GLIS1: variants seen among roughly 807,000 people sequenced by gnomAD.
The protein encoded by GLIS1 is GLIS family zinc finger 1.
In GLIS1, 24 loss-of-function variants were observed where a neutral mutation model predicts 63.8. That is an observed-to-expected ratio of 0.38 (90% CI 0.27 to 0.53). GLIS1 has a LOEUF of 0.53. GLIS1 is among the 20% of genes least tolerant of loss of function. GLIS1 has a pLI of 0.85. For missense variants in GLIS1, 1,036 were observed against 1,074.1 expected, an observed-to-expected ratio of 0.96 and a Z score of 0.50; for synonymous variants, 450 against 482.5, an observed-to-expected ratio of 0.93 and a Z score of 0.88.
At chr1:53,734,034 C>T (rs2100580543) in intron 2 of GLIS1, 7 of 985,050 alleles carry the variant, frequency 7.1e-6, no homozygotes, top group Non-Finnish European at 8.4e-6. Flanking sequence ...GCCCCCACTC[C>T]GAGTCCATGC....
In GLIS1 at chr1:53,678,659, G is replaced by C. The variant is rs562664731; in HGVS notation, c.259+59147C>G. ...TGCCCAGTTCTCTTGGCACTAAAAG[G>C]CTGCTGAGTTCGAGCCCTGAGTTAA... On this transcript the variant is annotated intron_variant, in intron 2 of 10. Coordinates refer to ENST00000628545, the MANE Select transcript of GLIS1 (RefSeq NM_001367484.1). Among the ~76,000 whole-genome samples, 204 of 152,278 alleles carry C rather than the reference G, an allele frequency of 1.3e-3. 1 individual carries two copies. The highest frequency in any genetic ancestry group is 4.7e-3 in the African/African-American group (196 of 41,562).
chr1:53,703,639 TAAAAA>T (rs59555116), intron 2 of GLIS1, among the ~76,000 whole-genome samples: 2 of 71,680 alleles, frequency 2.8e-5, no homozygotes, highest in African/African-American at 5.4e-5. Flanking sequence ...ACCCTGTCTC[TAAAAA>T]AAAAAAAAAA....
At chr1:53,671,533 G>A (rs1464176056) in intron 2 of GLIS1, among the ~76,000 whole-genome samples, 2 of 152,190 alleles carry the variant, frequency 1.3e-5, no homozygotes, top group Non-Finnish European at 2.9e-5. Flanking sequence ...GCCTCACAGA[G>A]TAGAACCAGG....
intron 4 of GLIS1, among the ~76,000 whole-genome samples, chr1:53,554,902 T>A (rs1423677274): frequency 6.6e-6 from 1 of 152,128 alleles, no homozygotes; most frequent in East Asian, 1.9e-4. Flanking sequence ...GTGTGAGGTG[T>A]GGAGCCATTC....
chr1:53,617,739 G>A (rs991649183), intron 2 of GLIS1, among the ~76,000 whole-genome samples: 8 of 152,302 alleles, frequency 5.3e-5, no homozygotes, highest in African/African-American at 9.6e-5. Flanking sequence ...GGTGCAGGCC[G>A]GCTATGTTAT....
chr1:53,600,112 G>C lies in GLIS1; in HGVS notation c.426C>G (p.Pro142=). 3 of 1,230,566 alleles carry C rather than the reference G, an allele frequency of 2.4e-6. No individual in the cohort carries two copies. The highest frequency in any genetic ancestry group is 3.0e-6 in the Non-Finnish European group (3 of 986,464). 76.2% of individuals were successfully genotyped at this position (1,230,566 alleles called of 1,614,324 possible). A position where few individuals can be genotyped will look rare whatever the true frequency, so the allele number is the denominator to read the frequency against. Residue 142 remains proline, a synonymous_variant, in exon 3 of 11, where the codon CCC becomes CCG. Coordinates refer to ENST00000628545, the MANE Select transcript of GLIS1 (RefSeq NM_001367484.1). The stretch of plus-strand genomic sequence containing the variant: ...CTGCCCACACCTACCTGTCAGGGTG[G>C]GGGAAATGCAGCAGCCTCTCACAAG... ...PQACERLLHF[P]HPDRSPRPQA...
chr1:53,594,094 C>A lies in GLIS1; in HGVS notation c.1320+14G>T, dbSNP rs1208246841. The A allele has an allele frequency of 1.3e-6, 2 of 1,591,540 alleles. No homozygotes were observed. Among genetic ancestry groups the A allele is most frequent in the South Asian group, 1.1e-5 (1 of 88,216 alleles). ...AGGGGCTGGGGTGAGGCCTGGCGGC[C>A]GGTGGGAACTCACCATGCACTTGTT... On this transcript the variant is annotated intron_variant, in intron 4 of 10. Transcript: ENST00000628545.
At chr1:53,555,632 A>T (rs977606799) in intron 4 of GLIS1, among the ~76,000 whole-genome samples, 1 of 152,272 alleles carries the variant, frequency 6.6e-6, no homozygotes, top group Non-Finnish European at 1.5e-5. Flanking sequence ...CCCTGGTGTG[A>T]TTACTACACA....
chr1:53,658,921 C>T (rs150337388), intron 2 of GLIS1, among the ~76,000 whole-genome samples: 109 of 152,232 alleles, frequency 7.2e-4, no homozygotes, highest in Non-Finnish European at 1.4e-3. Context: ...GCACAGCAGG[C>T]AGGAGGAAGG....
chr1:53,521,901 C>G (rs1015641630), intron 6 of GLIS1, among the ~76,000 whole-genome samples: 1 of 152,230 alleles, frequency 6.6e-6, no homozygotes. Context: ...CTTGGCTCAG[C>G]CAAATGCTCA....
intron 4 of GLIS1, 84 bp downstream of exon 4, chr1:53,594,024 C>A: frequency 1.4e-6 from 2 of 1,451,382 alleles, no homozygotes; most frequent in Non-Finnish European, 1.8e-6. Flanking sequence ...GACGGAGTCC[C>A]AGGCGGCCTC....
chr1:53,593,300 T>A lies in GLIS1; in HGVS notation c.1320+808A>T, dbSNP rs561471028. Among the ~76,000 whole-genome samples the A allele has an allele frequency of 1.3e-5, 2 of 152,366 alleles. 1 individual carries two copies. Among genetic ancestry groups the A allele is most frequent in the East Asian group, 3.9e-4 (2 of 5,190 alleles). On this transcript the variant is annotated intron_variant, in intron 4 of 10. Coordinates refer to ENST00000628545, the MANE Select transcript of GLIS1 (RefSeq NM_001367484.1). ...TGTGCCTCGGAGGTAGCACAGCAGTTAGGCTGAGTGTATCAGGGAGTGCTC... is the reference window on the plus strand; with the variant it reads ...TGTGCCTCGGAGGTAGCACAGCAGTAAGGCTGAGTGTATCAGGGAGTGCTC...
intron 2 of GLIS1, among the ~76,000 whole-genome samples, chr1:53,620,733 C>T (rs1208073497): frequency 6.6e-6 from 1 of 152,178 alleles, no homozygotes; most frequent in East Asian, 1.9e-4. Flanking sequence ...GAGAAGAACA[C>T]AAAAGAGCAG....
Position 53,560,658 on chromosome 1 carries a change from C to T in GLIS1, c.1321-30706G>A, listed in dbSNP as rs572428255. Among the ~76,000 whole-genome samples, 5 of 152,314 alleles carry T rather than the reference C, an allele frequency of 3.3e-5. No homozygotes were observed. In the East Asian group the frequency reaches 9.6e-4, roughly 29 times the overall value. ...GGCTTTGCACTGCCTTTGGCAAACACTTGTTGCGGGCCGTGTGTCCCGCAA... is the reference window on the plus strand; with the variant it reads ...GGCTTTGCACTGCCTTTGGCAAACATTTGTTGCGGGCCGTGTGTCCCGCAA... On this transcript the variant is annotated intron_variant, in intron 4 of 10. Transcript: ENST00000628545. The surrounding 1 kb of genome is among the most constrained non-coding windows in gnomAD (Gnocchi z 4.4).
chr1:53,540,402 A>ACGGCCTCAG (rs1644631228), intron 4 of GLIS1, among the ~76,000 whole-genome samples: 2 of 152,082 alleles, frequency 1.3e-5, no homozygotes, highest in Admixed American at 6.5e-5. Context: ...AACTCGCCCC[A>ACGGCCTCAG]CGGCCTCAGC....
At chr1:53,576,946 C>T (rs1255116931) in intron 4 of GLIS1, among the ~76,000 whole-genome samples, 2 of 152,076 alleles carry the variant, frequency 1.3e-5, no homozygotes, top group Non-Finnish European at 2.9e-5. Flanking sequence ...TCTGCTTCCA[C>T]CAAAACCCTC....
At chr1:53,610,115 G>A (rs1488915604) in intron 2 of GLIS1, among the ~76,000 whole-genome samples, 2 of 152,128 alleles carry the variant, frequency 1.3e-5, no homozygotes, top group Non-Finnish European at 2.9e-5. Context: ...TTCCATTCAT[G>A]TGCCTACACA....
chr1:53,661,629 G>A (rs11810604), intron 2 of GLIS1, among the ~76,000 whole-genome samples: 8 of 152,168 alleles, frequency 5.3e-5, no homozygotes, highest in Admixed American at 4.6e-4. Flanking sequence ...AGGAGGCCTA[G>A]AAAGGCGCTG....
At chr1:53,637,123 A>T (rs918923592) in intron 2 of GLIS1, among the ~76,000 whole-genome samples, 55 of 152,182 alleles carry the variant, frequency 3.6e-4, no homozygotes, top group African/African-American at 1.2e-3. Flanking sequence ...ACTGCTGTGC[A>T]CTGGGCAGCT....
Sources: allele counts gnomAD v4.1 joint callset (sites outside exome capture counted in the v4.1 genomes callset), GRCh38; gene constraint gnomAD v4.1.1; non-coding constraint Gnocchi (gnomAD v3.1); transcripts MANE v1.5; gene names NCBI Gene and HGNC (gene_info 2026-07-23, HGNC 2026-07-21).